HOMER1: variants seen among roughly 807,000 people sequenced by gnomAD.
HOMER1 encodes homer scaffold protein 1, also known as homer protein homolog 1.
In HOMER1, 3 loss-of-function variants were observed where a neutral mutation model predicts 48.9. The observed-to-expected ratio is 0.06, with a 90% CI of 0.03 to 0.16. The LOEUF (loss-of-function observed/expected upper bound fraction) is 0.16. HOMER1 is among the 10% of genes least tolerant of loss of function. HOMER1 has a pLI of 1.00. For synonymous variants in HOMER1, 134 were observed against 146.4 expected (o/e 0.92, Z 0.61); for missense variants, 247 against 411.4 (o/e 0.60, Z 3.46).
At chr5:79,500,963 G>GTCTC (rs1752566228) in intron 1 of HOMER1, among the ~76,000 whole-genome samples, 1 of 101,602 alleles carries the variant, frequency 9.8e-6, no homozygotes, top group African/African-American at 3.4e-5. Flanking sequence ...GAGACAGACA[G>GTCTC]ACACACACAC....
At chr5:79,444,567 G>T (rs1750825370) in intron 4 of HOMER1, among the ~76,000 whole-genome samples, 1 of 152,112 alleles carries the variant, frequency 6.6e-6, no homozygotes, top group South Asian at 2.1e-4. Context: ...CAAAGCAGAG[G>T]CTTAAAGTCA....
intron 4 of HOMER1, among the ~76,000 whole-genome samples, chr5:79,446,413 G>C (rs1750884285): frequency 6.6e-6 from 1 of 152,014 alleles, no homozygotes; most frequent in African/African-American, 2.4e-5. Flanking sequence ...CTGTTTCTAG[G>C]ACCAGCAAGT....
intron 5 of HOMER1, among the ~76,000 whole-genome samples, chr5:79,430,149 A>G (rs1425756363): frequency 1.3e-5 from 2 of 152,260 alleles, no homozygotes; most frequent in Non-Finnish European, 2.9e-5. Context: ...AATAACTAGA[A>G]ATTATAAAGA....
At chr5:79,400,592 A>G (rs1049226434) in intron 6 of HOMER1, among the ~76,000 whole-genome samples, 2 of 151,526 alleles carry the variant, frequency 1.3e-5, no homozygotes, top group Admixed American at 6.6e-5. Flanking sequence ...CCTGGGCTCA[A>G]GCAATCCATC....
rs201593316 is a variant in HOMER1 at position 79,464,181 on chromosome 5, AAAG to A, written c.6-7166_6-7164del. On this transcript the variant is annotated intron_variant, in intron 1 of 8. Transcript: ENST00000334082. ...CATTTTTGAAGACTGCCAAAGAATC[AAAG>A]AATGACAATTTTAACAGGTTGGAAC... Among the ~76,000 whole-genome samples, 619 of 152,306 alleles carry A rather than the reference AAAG, an allele frequency of 4.1e-3. 3 individuals carry two copies. The highest frequency in any genetic ancestry group is 0.014 in the African/African-American group (572 of 41,574).
Position 79,410,200 on chromosome 5 carries a change from T to C in HOMER1, c.528-8145A>G, listed in dbSNP as rs113953740. On this transcript the variant is annotated intron_variant, in intron 5 of 8. Coordinates refer to ENST00000334082, the MANE Select transcript of HOMER1 (RefSeq NM_004272.5). ...TCTGTCTTTCTAGAGCAGTATGAAA[T>C]ACAACTTAGGGCCAGGCATGGTAGC... Among the ~76,000 whole-genome samples the C allele has an allele frequency of 8.1e-3, 1,229 of 152,114 alleles. 14 individuals carry two copies. Among genetic ancestry groups the C allele is most frequent in the African/African-American group, 0.027 (1,106 of 41,514 alleles).
intron 1 of HOMER1, among the ~76,000 whole-genome samples, chr5:79,502,952 G>A (rs917471025): frequency 1.5e-4 from 22 of 151,220 alleles, no homozygotes; most frequent in African/African-American, 3.4e-4. Flanking sequence ...CACCACGCCC[G>A]GCTAATTTTT....
intron 1 of HOMER1, among the ~76,000 whole-genome samples, chr5:79,474,877 C>T (rs1465765443): frequency 3.9e-5 from 6 of 152,174 alleles, no homozygotes; most frequent in African/African-American, 1.2e-4. Context: ...AGTTTCTAAA[C>T]TTCTGCAGTT....
chr5:79,500,007 T>G (rs1462380880), intron 1 of HOMER1, among the ~76,000 whole-genome samples: 2 of 152,150 alleles, frequency 1.3e-5, no homozygotes, highest in African/African-American at 4.8e-5. Flanking sequence ...AGTCATGCTA[T>G]TACAAGAAAA....
At chr5:79,442,011 G>GA (rs766594034) in intron 4 of HOMER1, among the ~76,000 whole-genome samples, 77 of 135,028 alleles carry the variant, frequency 5.7e-4, no homozygotes, top group South Asian at 1.2e-3. Flanking sequence ...TAAGAAAAAT[G>GA]AAAAAAAAAA....
intron 5 of HOMER1, among the ~76,000 whole-genome samples, chr5:79,423,031 G>T (rs143451435): frequency 1.3e-5 from 2 of 152,158 alleles, no homozygotes; most frequent in African/African-American, 4.8e-5. Flanking sequence ...TTACATCAAG[G>T]ACTGTAAGGT....
chr5:79,449,138 G>A (rs921124648), intron 3 of HOMER1, among the ~76,000 whole-genome samples: 2 of 152,042 alleles, frequency 1.3e-5, no homozygotes, highest in African/African-American at 4.8e-5. Flanking sequence ...AGCCCAAAAA[G>A]CATTTAAGGC....
intron 8 of HOMER1, among the ~76,000 whole-genome samples, chr5:79,390,587 T>TA (rs1749224031): frequency 6.6e-6 from 1 of 152,162 alleles, no homozygotes; most frequent in African/African-American, 2.4e-5. Flanking sequence ...AGTCATCTAC[T>TA]AGAAAATATT....
Position 79,431,714 on chromosome 5 carries a change from C to G in HOMER1, c.527+7296G>C, listed in dbSNP as rs571061424. Among the ~76,000 whole-genome samples, 52 of 152,200 alleles carry G rather than the reference C, an allele frequency of 3.4e-4. No individual in the cohort carries two copies. The Middle Eastern group carries it at 0.017, about 50-fold the overall frequency. ...TGTCAACAGTGAATATACGGCCAAGCTAAACTCTAAATGGAAAATGGCAGA... is the reference window on the plus strand; with the variant it reads ...TGTCAACAGTGAATATACGGCCAAGGTAAACTCTAAATGGAAAATGGCAGA... On this transcript the variant is annotated intron_variant, in intron 5 of 8. Transcript: ENST00000334082.
At chr5:79,461,156 T>C (rs947371953) in intron 1 of HOMER1, among the ~76,000 whole-genome samples, 8 of 152,080 alleles carry the variant, frequency 5.3e-5, no homozygotes, top group Non-Finnish European at 1.2e-4. Flanking sequence ...TAATTTCCAT[T>C]TAGAAAAAAG....
rs1748752193 is a variant in HOMER1 at position 79,375,706 on chromosome 5, A to G, written c.*303T>C. ...ACATTGTTAATTCTCCCATTGGCTA[A>G]TATCAGGAAAAAAGATTGCATTAAG... On this transcript the variant is annotated 3_prime_UTR_variant, in exon 9 of 9. Transcript: ENST00000334082. The G allele has an allele frequency of 4.7e-6, 1 of 211,310 alleles. No homozygotes were observed. 13.1% of individuals were successfully genotyped at this position (211,310 alleles called of 1,614,324 possible).
Position 79,492,669 on chromosome 5 carries a change from C to CA in HOMER1, c.5+20100dup, listed in dbSNP as rs1203534192. On this transcript the variant is annotated intron_variant, in intron 1 of 8. Coordinates refer to ENST00000334082, the MANE Select transcript of HOMER1 (RefSeq NM_004272.5). ...TAAGACTTTCCATAGGACTTGGTTT[C>CA]AGGATGTTTTCCACAGAAAAGCCAT... Among the ~76,000 whole-genome samples, 4 of 152,124 alleles carry CA rather than the reference C, an allele frequency of 2.6e-5. No homozygotes were observed. In the South Asian group the frequency reaches 6.2e-4, roughly 24 times the overall value.
intron 6 of HOMER1, among the ~76,000 whole-genome samples, chr5:79,399,081 T>A (rs978887689): frequency 1.3e-5 from 2 of 152,178 alleles, no homozygotes; most frequent in South Asian, 4.1e-4. Context: ...TTAAAGGGAG[T>A]TCCAATTCTG....
chr5:79,439,577 G>A (rs1054935171), intron 4 of HOMER1, among the ~76,000 whole-genome samples: 5 of 152,156 alleles, frequency 3.3e-5, no homozygotes, highest in Admixed American at 2.6e-4. Flanking sequence ...GGGTACAGGA[G>A]AAGAAGTGGA....
Sources: allele counts gnomAD v4.1 joint callset (sites outside exome capture counted in the v4.1 genomes callset), GRCh38; gene constraint gnomAD v4.1.1; transcripts MANE v1.5; gene names NCBI Gene and HGNC (gene_info 2026-07-23, HGNC 2026-07-21).